The following METTL9 variants were observed in gnomAD, a reference collection of about 807,000 sequenced individuals.
METTL9 encodes the protein protein-L-histidine N-pros-methyltransferase.
In METTL9, 10 loss-of-function variants were observed where a neutral mutation model predicts 36.0. The observed-to-expected ratio is 0.28, with a 90% CI of 0.17 to 0.47. The LOEUF is 0.47. Ranked by LOEUF, METTL9 falls within the 20% of genes least tolerant of loss-of-function variation. METTL9 has a pLI of 0.99. For synonymous variants in METTL9, 175 were observed against 149.7 expected (o/e 1.17, Z -1.23); for missense variants, 246 against 383.5 (o/e 0.64, Z 3.00).
At chr16:21,612,986 A>G (rs973202388) in intron 2 of METTL9, 151 bp downstream of exon 2, 30 of 662,888 alleles carry the variant, frequency 4.5e-5, no homozygotes, top group East Asian at 1.5e-4. Context: ...CCAGCGTTCT[A>G]TCTTTCTGTG....
chr16:21,631,596 G>A (rs1256033310), intron 4 of METTL9, among the ~76,000 whole-genome samples: 2 of 152,100 alleles, frequency 1.3e-5, no homozygotes, highest in Non-Finnish European at 2.9e-5. Flanking sequence ...TTAATCGCCC[G>A]GGAGGAACCA....
intron 4 of METTL9, chr16:21,643,249 G>T: frequency 3.2e-6 from 3 of 925,114 alleles, no homozygotes; most frequent in Admixed American, 1.9e-5. Flanking sequence ...ATTGCCACCG[G>T]TCCCAAAAAC....
intron 4 of METTL9, among the ~76,000 whole-genome samples, chr16:21,634,092 A>C (rs1047231628): frequency 6.6e-6 from 1 of 152,174 alleles, no homozygotes; most frequent in African/African-American, 2.4e-5. Flanking sequence ...AAAGTTTCCA[A>C]TTACAACTGA....
intron 2 of METTL9, 82 bp downstream of exon 2, chr16:21,612,917 T>G: frequency 7.9e-7 from 1 of 1,270,816 alleles, no homozygotes; most frequent in South Asian, 1.6e-5. Flanking sequence ...GTTATCTTGT[T>G]CAGCATGTTG....
At chr16:21,653,210 C>T (rs1404323686) in intron 4 of METTL9, 1 of 152,196 alleles carries the variant, frequency 6.6e-6, no homozygotes, top group Admixed American at 6.6e-5. Context: ...GCCTCAGCTT[C>T]CTGAGTAGCT....
rs200550835 is a variant in METTL9 at position 21,652,591 on chromosome 16, G to T, written c.752-2636G>T. 3 of 1,610,358 alleles carry T rather than the reference G, an allele frequency of 1.9e-6. No individual in the cohort carries two copies. In the Admixed American group the frequency reaches 5.1e-5, roughly 27 times the overall value. On this transcript the variant is annotated intron_variant, in intron 4 of 4. Coordinates refer to ENST00000358154, the MANE Select transcript of METTL9 (RefSeq NM_016025.5). ...GCGAGCGATGTTGCTTCTGCTCGCA[G>T]TCCCCATTTCTGTGTATGCCGGGGC...
intron 4 of METTL9, among the ~76,000 whole-genome samples, chr16:21,631,591 C>T (rs942038561): frequency 6.6e-6 from 1 of 152,076 alleles, no homozygotes; most frequent in Non-Finnish European, 1.5e-5. Context: ...TTTCCTTAAT[C>T]GCCCGGGAGG....
rs1007294322 is a variant in METTL9, at chr16:21,628,843, A to AT, written c.751+3742dup. ...TATTACTACTTTAAATATGATGCTA[A>AT]TTTTTTTTTTTTTTACTTGAAGTTG... On this transcript the variant is annotated intron_variant, in intron 4 of 4. Transcript: ENST00000358154. Among the ~76,000 whole-genome samples the AT allele has an allele frequency of 2.8e-3, 385 of 137,972 alleles. 3 individuals are homozygous for AT. Among genetic ancestry groups the AT allele is most frequent in the Middle Eastern group, 7.9e-3 (2 of 254 alleles). The allele number at this position is 137,972 out of a possible 152,430, so 90.5% of individuals were successfully genotyped here.
At chr16:21,633,243 C>A (rs568916417) in intron 4 of METTL9, among the ~76,000 whole-genome samples, 6 of 152,332 alleles carry the variant, frequency 3.9e-5, no homozygotes, top group Admixed American at 2.6e-4. Context: ...GATATTTGAC[C>A]TGCTGTAGGC....
intron 3 of METTL9, among the ~76,000 whole-genome samples, chr16:21,618,910 T>G (rs1316907630): frequency 1.3e-5 from 2 of 152,062 alleles, no homozygotes; most frequent in Admixed American, 1.3e-4. Context: ...GGGATAGGGT[T>G]TCACTATTTG....
intron 4 of METTL9, among the ~76,000 whole-genome samples, chr16:21,649,898 A>G (rs1419097983): frequency 2.6e-5 from 4 of 151,944 alleles, no homozygotes; most frequent in Admixed American, 6.6e-5. Context: ...TAGTAGAGAC[A>G]GGGTTTTGCG....
At chr16:21,606,633 C>G (rs991378180) in intron 1 of METTL9, among the ~76,000 whole-genome samples, 2 of 152,048 alleles carry the variant, frequency 1.3e-5, no homozygotes, top group Admixed American at 1.3e-4. Flanking sequence ...AACCTTATAC[C>G]CACATCCTGG....
chr16:21,641,989 A>G (rs1966284949), intron 4 of METTL9: 1 of 154,048 alleles, frequency 6.5e-6, no homozygotes, highest in South Asian at 2.1e-4. Flanking sequence ...ACACTGTAGG[A>G]TGAAACGACT....
intron 3 of METTL9, among the ~76,000 whole-genome samples, chr16:21,622,677 G>T (rs1965734118): frequency 6.6e-6 from 1 of 152,168 alleles, no homozygotes; most frequent in Non-Finnish European, 1.5e-5. Context: ...TCACAAAACA[G>T]AAGTAAGAAT....
Position 21,647,389 on chromosome 16 carries a change from T to C in METTL9, c.752-7838T>C, listed in dbSNP as rs150845052. ...GGCATGTTGGTTGCTCAGAAGGGCA[T>C]CCGGTTGCGGAGAAGGTACACTTTA... On this transcript the variant is annotated intron_variant, in intron 4 of 4. Transcript: ENST00000358154. The C allele has an allele frequency of 9.3e-6, 15 of 1,614,100 alleles. No homozygotes were observed. The African/African-American group carries it at 1.2e-4, about 13-fold the overall frequency.
chr16:21,641,541 C>T (rs1463341033), intron 4 of METTL9: 3 of 1,581,942 alleles, frequency 1.9e-6, no homozygotes, highest in African/African-American at 2.7e-5. Context: ...TTTCTATGGC[C>T]TTTCATAGTT....
intron 4 of METTL9, chr16:21,641,464 T>C (rs937833081): frequency 2.2e-5 from 18 of 820,590 alleles, no homozygotes; most frequent in Non-Finnish European, 3.2e-5. Context: ...CCTGATGATA[T>C]ATGTTCATTA....
Position 21,655,220 on chromosome 16 carries a change from G to C in METTL9, c.752-7G>C. On this transcript the variant is annotated splice_region_variant and splice_polypyrimidine_tract_variant and intron_variant, in intron 4 of 4. Coordinates refer to ENST00000358154, the MANE Select transcript of METTL9 (RefSeq NM_016025.5). ...AGAATTTAACTGAATGTTCTTATTT[G>C]TATTAGTAGGTGGCAAGTGGGAGAA... is the stretch of plus-strand genomic sequence containing the variant. The C allele has an allele frequency of 6.2e-7, 1 of 1,610,992 alleles. No homozygotes were observed. Among genetic ancestry groups the C allele is most frequent in the Non-Finnish European group, 8.5e-7 (1 of 1,177,330 alleles).
intron 1 of METTL9, among the ~76,000 whole-genome samples, chr16:21,602,808 C>G (rs1009873012): frequency 2.4e-4 from 37 of 151,990 alleles, no homozygotes; most frequent in Admixed American, 2.4e-3. Flanking sequence ...CAGGTGAACA[C>G]CACCACGCCC....
Sources: gnomAD v4.1 joint callset for allele counts (sites outside exome capture counted in the v4.1 genomes callset) on GRCh38, gnomAD v4.1.1 for gene constraint, MANE v1.5 for transcripts, NCBI Gene and HGNC (gene_info 2026-07-23, HGNC 2026-07-21) for gene names.